The following SLC24A2 variants were observed in gnomAD, a reference collection of about 807,000 sequenced individuals.
The protein encoded by SLC24A2 is solute carrier family 24 member 2.
Under a neutral mutation model 62.0 loss-of-function variants are expected in SLC24A2, and 36 were observed. The observed-to-expected ratio is 0.58, with a 90% CI of 0.44 to 0.77. The LOEUF is 0.77. Among genes scored for constraint, SLC24A2 ranks in the 30% least tolerant of loss-of-function variants. SLC24A2 has a pLI of 0.00. For synonymous variants in SLC24A2, 358 were observed against 294.0 expected, an observed-to-expected ratio of 1.22 and a Z score of -2.23; for missense variants, 846 against 817.9, an observed-to-expected ratio of 1.03 and a Z score of -0.42.
chr9:19,656,560 T>C (rs1454445311), intron 2 of SLC24A2, among the ~76,000 whole-genome samples: 1 of 152,252 alleles, frequency 6.6e-6, no homozygotes, highest in South Asian at 2.1e-4. Context: ...TTACTTTCTT[T>C]AGTCTCTTTT....
the SLC24A2 span, among the ~76,000 whole-genome samples, chr9:20,045,131 T>C: frequency 3.9e-5 from 6 of 152,232 alleles, no homozygotes; most frequent in South Asian, 4.1e-4. Flanking sequence ...AGATATACTA[T>C]GCATTTGGCA....
At chr9:19,775,096 T>C (rs1822807004) in intron 2 of SLC24A2, among the ~76,000 whole-genome samples, 1 of 152,176 alleles carries the variant, frequency 6.6e-6, no homozygotes, top group Non-Finnish European at 1.5e-5. Context: ...GATGCAAAAT[T>C]GTGACTGCAC....
chr9:20,161,495 A>G, the SLC24A2 span, among the ~76,000 whole-genome samples: 11 of 151,532 alleles, frequency 7.3e-5, no homozygotes, highest in African/African-American at 2.7e-4. Flanking sequence ...ATCAGCCAAC[A>G]GATTTTAATA....
chr9:19,675,515 C>T (rs184465496), intron 2 of SLC24A2, among the ~76,000 whole-genome samples: 319 of 152,192 alleles, frequency 2.1e-3, no homozygotes, highest in African/African-American at 7.3e-3. Context: ...AGACTCTTTT[C>T]GGGTGCGGCT....
chr9:19,548,577 G>T (rs1422318461), intron 8 of SLC24A2, among the ~76,000 whole-genome samples: 1 of 152,208 alleles, frequency 6.6e-6, no homozygotes, highest in Non-Finnish European at 1.5e-5. Context: ...TTGCCAATCT[G>T]AGTTGAAAGA....
In SLC24A2 at chr9:19,513,626, GGAGGGAGTGAGGAGGCA is replaced by G. The variant is rs1237078227; in HGVS notation, c.*2510_*2526del. 6.6e-6 allele frequency: 1 copy of G among 152,156 alleles called. No individual in the cohort carries two copies. Among genetic ancestry groups the G allele is most frequent in the Non-Finnish European group, 1.5e-5 (1 of 68,034 alleles). 9.4% of individuals were successfully genotyped at this position (152,156 alleles called of 1,614,324 possible). A position where few individuals can be genotyped will look rare whatever the true frequency, so the allele number is the denominator to read the frequency against. On this transcript the variant is annotated 3_prime_UTR_variant, in exon 11 of 11. Coordinates refer to ENST00000341998, the MANE Select transcript of SLC24A2 (RefSeq NM_020344.4). ...CTTCACTGTAAGCTGGGAATAAATG[GGAGGGAGTGAGGAGGCA>G]GAGGGAGGATCAGGAATAAGAAGAG...
chr9:19,801,910 C>T, the SLC24A2 span, among the ~76,000 whole-genome samples: 3 of 152,056 alleles, frequency 2.0e-5, no homozygotes, highest in Non-Finnish European at 4.4e-5. Flanking sequence ...CAGTAGAGGT[C>T]GTCCTTTATT....
At chr9:19,662,158 A>G (rs1444827227) in intron 2 of SLC24A2, among the ~76,000 whole-genome samples, 1 of 152,248 alleles carries the variant, frequency 6.6e-6, no homozygotes, top group Non-Finnish European at 1.5e-5. Flanking sequence ...AAAAGTAACA[A>G]GAAACAGGTA....
the SLC24A2 span, among the ~76,000 whole-genome samples, chr9:20,046,868 T>A: frequency 6.6e-6 from 1 of 152,228 alleles, no homozygotes; most frequent in Non-Finnish European, 1.5e-5. Context: ...TTCCTAGTGA[T>A]CCTCCAGGTA....
intron 2 of SLC24A2, among the ~76,000 whole-genome samples, chr9:19,715,562 A>C (rs1203674796): frequency 6.6e-6 from 1 of 152,174 alleles, no homozygotes; most frequent in Non-Finnish European, 1.5e-5. Flanking sequence ...CTGAAAGTCG[A>C]AAGTTTTATT....
At chr9:19,893,870 T>G in the SLC24A2 span, among the ~76,000 whole-genome samples, 1 of 152,196 alleles carries the variant, frequency 6.6e-6, no homozygotes, top group Non-Finnish European at 1.5e-5. Flanking sequence ...ACACAGGGGT[T>G]CTGTCTGATG....
chr9:20,130,663 T>A, the SLC24A2 span, among the ~76,000 whole-genome samples: 1,048 of 152,226 alleles, frequency 6.9e-3, 12 homozygotes, highest in African/African-American at 0.024. Flanking sequence ...GGGAAGCCAT[T>A]GCAGAGTTTT....
chr9:20,104,909 G>C, the SLC24A2 span, among the ~76,000 whole-genome samples: 3 of 152,160 alleles, frequency 2.0e-5, no homozygotes, highest in African/African-American at 7.2e-5. Context: ...TGGCAAACTG[G>C]ATAAAGAGTC....
the SLC24A2 span, among the ~76,000 whole-genome samples, chr9:20,029,717 G>A: frequency 6.6e-6 from 1 of 152,186 alleles, no homozygotes; most frequent in Admixed American, 6.5e-5. Flanking sequence ...ATTTTACAAA[G>A]GTGGAAATGG....
intron 2 of SLC24A2, among the ~76,000 whole-genome samples, chr9:19,780,416 T>C (rs1318670338): frequency 6.6e-6 from 1 of 151,178 alleles, no homozygotes; most frequent in African/African-American, 2.4e-5. Context: ...TACAGGCGCC[T>C]GCCACTGCGC....
chr9:20,293,306 A>ATG, the SLC24A2 span, among the ~76,000 whole-genome samples: 1 of 152,178 alleles, frequency 6.6e-6, no homozygotes, highest in East Asian at 1.9e-4. Context: ...CTTCTCCCAG[A>ATG]AAGGTAGGGT....
At chr9:20,092,558 AG>A in the SLC24A2 span, among the ~76,000 whole-genome samples, 1 of 152,238 alleles carries the variant, frequency 6.6e-6, no homozygotes, top group Non-Finnish European at 1.5e-5. Flanking sequence ...TAAAGGTTTT[AG>A]ACAATAGTTC....
At chr9:19,524,989 A>G (rs547952520) in intron 9 of SLC24A2, among the ~76,000 whole-genome samples, 5 of 152,222 alleles carry the variant, frequency 3.3e-5, no homozygotes, top group Non-Finnish European at 7.3e-5. Context: ...AAAAACTATT[A>G]TATGTTATAA....
chr9:19,903,869 A>T, the SLC24A2 span, among the ~76,000 whole-genome samples: 1 of 152,178 alleles, frequency 6.6e-6, no homozygotes. Context: ...CAGGTAACCC[A>T]GGTATTCTCC....
Sources: gnomAD v4.1 joint callset for allele counts (sites outside exome capture counted in the v4.1 genomes callset) on GRCh38, gnomAD v4.1.1 for gene constraint, MANE v1.5 for transcripts, NCBI Gene and HGNC (gene_info 2026-07-23, HGNC 2026-07-21) for gene names.